The following ATF6 variants were observed in gnomAD, a reference collection of about 807,000 sequenced individuals.
The protein encoded by ATF6 is cyclic AMP-dependent transcription factor ATF-6 alpha.
A neutral mutation model predicts 83.6 loss-of-function variants in ATF6; 53 were observed. That is an observed-to-expected ratio of 0.63 (90% CI 0.51 to 0.80). The LOEUF (loss-of-function observed/expected upper bound fraction) is 0.80, where lower values mean the gene tolerates loss of function less well. ATF6 is among the 30% of genes least tolerant of loss of function. The probability of loss-of-function intolerance (pLI) is 0.00; values close to 1 mark genes in which losing one functional copy is unlikely to be tolerated. For synonymous variants in ATF6, 288 were observed against 285.8 expected (o/e 1.01, Z -0.08); for missense variants, 744 against 797.9 (o/e 0.93, Z 0.81).
chr1:161,911,584 CTG>C (rs1277962036), intron 14 of ATF6, among the ~76,000 whole-genome samples: 1 of 152,196 alleles, frequency 6.6e-6, no homozygotes, highest in Non-Finnish European at 1.5e-5. Flanking sequence ...TTCTACCAAA[CTG>C]TGTGCTTTTT....
intron 15 of ATF6, among the ~76,000 whole-genome samples, chr1:161,928,126 A>C (rs767527099): frequency 2.0e-5 from 3 of 152,312 alleles, no homozygotes; most frequent in Non-Finnish European, 4.4e-5. Flanking sequence ...CCCATTTTAC[A>C]GCTGAGATAA....
intron 4 of ATF6, among the ~76,000 whole-genome samples, chr1:161,788,603 A>G (rs1429618045): frequency 1.3e-5 from 2 of 151,790 alleles, no homozygotes. Context: ...TGGCTTATTT[A>G]AGAAGTCCTT....
At chr1:161,799,149 A>G (rs1351764776) in intron 6 of ATF6, among the ~76,000 whole-genome samples, 1 of 152,246 alleles carries the variant, frequency 6.6e-6, no homozygotes, top group Non-Finnish European at 1.5e-5. Flanking sequence ...TCACAGAACT[A>G]TTCACAATAG....
At chr1:161,913,484 T>A (rs1380932109) in intron 15 of ATF6, among the ~76,000 whole-genome samples, 1 of 152,168 alleles carries the variant, frequency 6.6e-6, no homozygotes, top group Non-Finnish European at 1.5e-5. Context: ...ATAGACAGCT[T>A]ATTAGAAATG....
intron 15 of ATF6, 51 bp downstream of exon 15, chr1:161,912,431 A>G (rs1420426467): frequency 2.3e-6 from 3 of 1,294,352 alleles, no homozygotes; most frequent in Admixed American, 3.9e-5. Context: ...TTGTTTAACC[A>G]GGATTCTCTT....
chr1:161,889,061 A>G (rs1206507048), intron 14 of ATF6, among the ~76,000 whole-genome samples: 1 of 152,214 alleles, frequency 6.6e-6, no homozygotes, highest in African/African-American at 2.4e-5. Flanking sequence ...CCTTGAAGCA[A>G]TCTGAACATA....
intron 14 of ATF6, among the ~76,000 whole-genome samples, chr1:161,894,616 A>C (rs933556690): frequency 7.9e-6 from 1 of 126,504 alleles, no homozygotes; most frequent in Non-Finnish European, 1.6e-5. Flanking sequence ...GGCTCACTGC[A>C]TCCTCCACCT....
Position 161,959,609 on chromosome 1 carries a change from G to T in ATF6, c.*955G>T, listed in dbSNP as rs1689049032. ...GGCGTGAACCCGGGAGGCGGAGCTT[G>T]CAGTGAGCCGAGATCCCGCCACTGC... is the stretch of plus-strand genomic sequence containing the variant. On this transcript the variant is annotated 3_prime_UTR_variant, in exon 16 of 16. Coordinates refer to ENST00000367942, the MANE Select transcript of ATF6 (RefSeq NM_007348.4). 6.8e-6 allele frequency: 1 copy of T among 146,574 alleles called. No individual in the cohort carries two copies. The highest frequency in any genetic ancestry group is 2.0e-4 in the East Asian group (1 of 4,994). The allele number at this position is 146,574 out of a possible 1,614,324, so 9.1% of individuals were successfully genotyped here.
chr1:161,849,782 G>A (rs1308963239), intron 10 of ATF6, among the ~76,000 whole-genome samples: 1 of 152,088 alleles, frequency 6.6e-6, no homozygotes, highest in Non-Finnish European at 1.5e-5. Flanking sequence ...CTTCTCTTCT[G>A]AGTCTCCAGA....
At position 161,933,107 on chromosome 1, in the gene ATF6, A is replaced by G. The variant is rs1412707622; in HGVS notation, c.1804+20727A>G. 2.0e-5 allele frequency among the ~76,000 whole-genome samples: 3 copies of G among 152,216 alleles called. No homozygotes were observed. In the East Asian group the frequency reaches 5.8e-4, roughly 29 times the overall value. On this transcript the variant is annotated intron_variant, in intron 15 of 15. Transcript: ENST00000367942. ...AACTATTATGTTCAGCCCACTCTCTATAGAAGGGAAATACCAAGGGTATGA... is the reference window on the plus strand; with the variant it reads ...AACTATTATGTTCAGCCCACTCTCTGTAGAAGGGAAATACCAAGGGTATGA...
intron 9 of ATF6, among the ~76,000 whole-genome samples, chr1:161,842,496 A>G (rs1283314584): frequency 6.8e-6 from 1 of 147,676 alleles, no homozygotes; most frequent in African/African-American, 2.5e-5. Context: ...GGATAAAGAA[A>G]CTGTGGTATA....
chr1:161,958,527 A>G lies in ATF6; in HGVS notation c.1886A>G (p.Lys629Arg). The G allele has an allele frequency of 6.2e-7, 1 of 1,613,942 alleles. No homozygotes were observed. The highest frequency in any genetic ancestry group is 1.1e-5 in the South Asian group (1 of 91,050). ...QVMDTRILHI[K>R]SSSVPPYLRD... Reference sequence around the variant, plus strand: ...ATGGACACCAGGATCCTCCATATCAAAAGTTCGTCAGTTCCTCCTTACCTC... The same window carrying G: ...ATGGACACCAGGATCCTCCATATCAGAAGTTCGTCAGTTCCTCCTTACCTC... The change falls in exon 16 of 16, where the codon AAA (lysine) becomes AGA (arginine). Residue 629 changes from lysine to arginine, a missense_variant. Coordinates refer to ENST00000367942, the MANE Select transcript of ATF6 (RefSeq NM_007348.4).
chr1:161,914,989 A>G (rs777527596), intron 15 of ATF6, among the ~76,000 whole-genome samples: 6 of 152,186 alleles, frequency 3.9e-5, no homozygotes, highest in Admixed American at 1.3e-4. Flanking sequence ...AGGGATATTT[A>G]ATATGCCAGT....
intron 14 of ATF6, among the ~76,000 whole-genome samples, chr1:161,872,029 T>C (rs1230752807): frequency 6.6e-6 from 1 of 151,670 alleles, no homozygotes; most frequent in East Asian, 1.9e-4. Flanking sequence ...GTTTGTTTTT[T>C]GAATAGCTGG....
At chr1:161,771,828 T>C (rs12083229) in intron 1 of ATF6, among the ~76,000 whole-genome samples, 4,264 of 152,280 alleles carry the variant, frequency 0.028, 81 homozygotes, top group Non-Finnish European at 0.039. Context: ...TGTTACTTTC[T>C]TCACCATTAC....
intron 3 of ATF6, among the ~76,000 whole-genome samples, chr1:161,782,264 A>T (rs1267046671): frequency 6.6e-6 from 1 of 152,222 alleles, no homozygotes; most frequent in African/African-American, 2.4e-5. Context: ...AATTATGAAT[A>T]ATGTCTCTGT....
chr1:161,924,263 T>G (rs1171042926), intron 15 of ATF6, among the ~76,000 whole-genome samples: 1 of 152,194 alleles, frequency 6.6e-6, no homozygotes, highest in Non-Finnish European at 1.5e-5. Flanking sequence ...CTTTGTTATT[T>G]AAGACATCTG....
intron 6 of ATF6, among the ~76,000 whole-genome samples, chr1:161,796,407 C>T (rs1011850443): frequency 1.3e-5 from 2 of 152,136 alleles, no homozygotes; most frequent in African/African-American, 2.4e-5. Flanking sequence ...TAATACTCTT[C>T]TCAAAGTATT....
chr1:161,834,778 T>C (rs1306896858), intron 9 of ATF6, among the ~76,000 whole-genome samples: 1 of 151,842 alleles, frequency 6.6e-6, no homozygotes, highest in Non-Finnish European at 1.5e-5. Context: ...AGTATAATAA[T>C]AATAATAACA....
Sources: gnomAD v4.1 joint callset for allele counts (sites outside exome capture counted in the v4.1 genomes callset) on GRCh38, gnomAD v4.1.1 for gene constraint, MANE v1.5 for transcripts, NCBI Gene and HGNC (gene_info 2026-07-23, HGNC 2026-07-21) for gene names.